The following SNTG2 variants were observed in gnomAD, a reference collection of about 807,000 sequenced individuals.
The protein encoded by SNTG2 is syntrophin gamma 2, also known as gamma-2-syntrophin.
SNTG2 carries 74 observed loss-of-function variants against 70.9 expected under a neutral mutation model. That is an observed-to-expected ratio of 1.04 (90% CI 0.86 to 1.27). SNTG2 has a LOEUF of 1.27. Ranked by LOEUF, SNTG2 falls within the 50% of genes most tolerant of loss-of-function variation. The pLI is 0.00. For missense variants in SNTG2, 717 were observed against 690.7 expected (o/e 1.04, Z -0.43); for synonymous variants, 278 against 273.8 (o/e 1.02, Z -0.15).
At chr2:1,031,528 A>ATATATATATATATATATTTTTTTTTT in intron 1 of SNTG2, among the ~76,000 whole-genome samples, 24 of 59,094 alleles carry the variant, frequency 4.1e-4, no homozygotes, top group Non-Finnish European at 6.0e-4. Context: ...ATATATATAT[A>ATATATATATATATATATTTTTTTTTT]TTTTTTTTTT....
intron 16 of SNTG2, among the ~76,000 whole-genome samples, chr2:1,335,665 C>G (rs1659782038): frequency 6.6e-6 from 1 of 152,058 alleles, no homozygotes; most frequent in Non-Finnish European, 1.5e-5. Context: ...TGCACTAAAT[C>G]TAGACATGTA....
In SNTG2 at chr2:1,356,728, T is replaced by C. The variant is rs139703133; in HGVS notation, c.1489-10615T>C. 1.3e-3 allele frequency among the ~76,000 whole-genome samples: 195 copies of C among 152,320 alleles called. 6 individuals are homozygous for C. The East Asian group carries it at 0.032, about 25-fold the overall frequency. On this transcript the variant is annotated intron_variant, in intron 16 of 16. Coordinates refer to ENST00000308624, the MANE Select transcript of SNTG2 (RefSeq NM_018968.4). ...AAAATGCCATTGAGATTTTGATGGA[T>C]GTTGCATTGAATCTATAGATCACTT...
chr2:1,273,698 A>G (rs970864763), intron 14 of SNTG2, among the ~76,000 whole-genome samples: 1 of 151,362 alleles, frequency 6.6e-6, no homozygotes, highest in African/African-American at 2.4e-5. Flanking sequence ...GTACAAAACT[A>G]TAAAACTTTT....
chr2:1,155,077 C>A (rs1220753517), intron 6 of SNTG2, among the ~76,000 whole-genome samples: 1 of 150,058 alleles, frequency 6.7e-6, no homozygotes, highest in African/African-American at 2.5e-5. Context: ...ACACACACAG[C>A]ACACACACCA....
chr2:1,255,377 T>C (rs1031100233), intron 12 of SNTG2, among the ~76,000 whole-genome samples: 6 of 152,096 alleles, frequency 3.9e-5, no homozygotes, highest in African/African-American at 1.4e-4. Flanking sequence ...AGAACACCAA[T>C]GTACCTATGA....
intron 1 of SNTG2, among the ~76,000 whole-genome samples, chr2:1,017,918 A>G (rs1025505478): frequency 1.3e-5 from 2 of 152,166 alleles, no homozygotes; most frequent in Non-Finnish European, 2.9e-5. Context: ...TGGTCAGCTC[A>G]TAACTTCCAT....
intron 12 of SNTG2, among the ~76,000 whole-genome samples, chr2:1,251,751 C>A (rs1405865729): frequency 2.0e-5 from 3 of 149,956 alleles, no homozygotes; most frequent in African/African-American, 7.4e-5. Flanking sequence ...GCACACACCA[C>A]ACACACACTA....
In SNTG2 at chr2:1,237,892, A is replaced by G; in HGVS notation, c.724A>G (p.Asn242Asp). The G allele has an allele frequency of 6.2e-7, 1 of 1,600,782 alleles. No individual in the cohort carries two copies. The highest frequency in any genetic ancestry group is 8.5e-7 in the Non-Finnish European group (1 of 1,174,224). The change falls in exon 10 of 17, where the codon AAT becomes GAT. Residue 242 changes from asparagine (N) to aspartate (D), a missense_variant. By Grantham distance (23) the Asn-to-Asp change is conservative. Transcript: ENST00000308624. The stretch of plus-strand genomic sequence containing the variant: ...GACAGCTCTCTCCCTCCCCAGGTGG[A>G]ATGCGTTCGAGGTGCTCGCCCTGGA... Reference protein sequence around the residue: ...YKAGTEKLRWNAFEVLALDGV... With the variant: ...YKAGTEKLRWDAFEVLALDGV...
chr2:1,084,608 C>A (rs1664560325), intron 2 of SNTG2, among the ~76,000 whole-genome samples: 1 of 152,212 alleles, frequency 6.6e-6, no homozygotes, highest in Non-Finnish European at 1.5e-5. Context: ...CGTTCTGGCT[C>A]CAGGACTGCA....
intron 1 of SNTG2, among the ~76,000 whole-genome samples, chr2:1,073,648 C>T (rs11127451): frequency 0.82 from 124,476 of 152,180 alleles, 50,961 homozygotes; most frequent in Admixed American, 0.89. Context: ...TCTTCTTTCA[C>T]ACACACTACA....
intron 9 of SNTG2, among the ~76,000 whole-genome samples, chr2:1,212,391 G>C (rs996898790): frequency 6.6e-6 from 1 of 152,140 alleles, no homozygotes; most frequent in African/African-American, 2.4e-5. Flanking sequence ...TTCCTATGTA[G>C]ACTACAGAAC....
Position 1,113,346 on chromosome 2 carries a change from TTAAG to T in SNTG2, c.325+14938_325+14941del, listed in dbSNP as rs1243163401. Among the ~76,000 whole-genome samples the T allele has an allele frequency of 9.7e-5, 13 of 134,440 alleles. 1 individual carries two copies. The highest frequency in any genetic ancestry group is 4.9e-4 in the East Asian group (2 of 4,050). 88.2% of individuals were successfully genotyped at this position (134,440 alleles called of 152,430 possible). ...AGTCCTTTGAGAAGGATCGTGTGTA[TTAAG>T]TGAGGTTTAACCCTTACAGTGTTTT... On this transcript the variant is annotated intron_variant, in intron 4 of 16. Coordinates refer to ENST00000308624, the MANE Select transcript of SNTG2 (RefSeq NM_018968.4).
intron 14 of SNTG2, among the ~76,000 whole-genome samples, chr2:1,282,773 G>C (rs1043601774): frequency 6.7e-6 from 1 of 148,340 alleles, no homozygotes; most frequent in Non-Finnish European, 1.5e-5. Flanking sequence ...TGAGCTGGGC[G>C]CTCTCCAAGT....
chr2:1,183,590 C>G (rs369714692), intron 8 of SNTG2, among the ~76,000 whole-genome samples: 86 of 152,274 alleles, frequency 5.6e-4, no homozygotes, highest in African/African-American at 2.0e-3. Context: ...GATGGCAAAA[C>G]AGCAAGTTCA....
chr2:1,278,600 T>C (rs1474113415), intron 14 of SNTG2, among the ~76,000 whole-genome samples: 3 of 152,240 alleles, frequency 2.0e-5, no homozygotes, highest in African/African-American at 7.2e-5. Flanking sequence ...CTTCCTGTAG[T>C]AGGCCTCCCT....
intron 1 of SNTG2, among the ~76,000 whole-genome samples, chr2:1,077,873 G>A (rs1269858571): frequency 6.6e-6 from 1 of 151,154 alleles, no homozygotes; most frequent in Non-Finnish European, 1.5e-5. Context: ...AATGTTTTTT[G>A]TTTTTTTTTC....
At chr2:970,501 G>T (rs9711968) in intron 1 of SNTG2, among the ~76,000 whole-genome samples, 45,942 of 140,950 alleles carry the variant, frequency 0.33, 7,934 homozygotes, top group Middle Eastern at 0.46. Context: ...TCCCACCTAT[G>T]AGTGAGAATA....
At chr2:964,577 G>A (rs928649851) in intron 1 of SNTG2, among the ~76,000 whole-genome samples, 1 of 152,194 alleles carries the variant, frequency 6.6e-6, no homozygotes, top group East Asian at 1.9e-4. Flanking sequence ...TGGACAAGGG[G>A]CCCTGAGGGA....
At chr2:1,124,575 C>T (rs1055578362) in intron 4 of SNTG2, among the ~76,000 whole-genome samples, 18 of 152,034 alleles carry the variant, frequency 1.2e-4, no homozygotes, top group African/African-American at 3.9e-4. Flanking sequence ...GGATTACAGG[C>T]GTGAGCCACC....
Sources: allele counts gnomAD v4.1 joint callset (sites outside exome capture counted in the v4.1 genomes callset), GRCh38; gene constraint gnomAD v4.1.1; transcripts MANE v1.5; gene names NCBI Gene and HGNC (gene_info 2026-07-23, HGNC 2026-07-21).